Variants in POLR2E observed in about 807,000 individuals in gnomAD.
POLR2E encodes DNA-directed RNA polymerases I, II, and III subunit RPABC1.
A neutral mutation model predicts 29.8 loss-of-function variants in POLR2E; 35 were observed. The observed-to-expected ratio is 1.17, with a 90% CI of 0.90 to 1.55. The LOEUF is 1.55. Ranked by LOEUF, POLR2E falls within the 40% of genes most tolerant of loss-of-function variation. The pLI, the probability that POLR2E is intolerant of heterozygous loss-of-function variation, is 0.00. For missense variants in POLR2E, 287 were observed against 288.6 expected, an observed-to-expected ratio of 0.99 and a Z score of 0.04; for synonymous variants, 174 against 112.6, an observed-to-expected ratio of 1.55 and a Z score of -3.45.
At chr19:1,093,123 C>A (rs2145145885) in intron 2 of POLR2E, among the ~76,000 whole-genome samples, 1 of 150,094 alleles carries the variant, frequency 6.7e-6, no homozygotes, top group South Asian at 2.1e-4. Context: ...GAGGTGGAGG[C>A]TGCAGCAAGC....
In POLR2E at chr19:1,094,082, CA is replaced by C; in HGVS notation, c.58-5del. 1 of 1,605,232 alleles carries C rather than the reference CA, an allele frequency of 6.2e-7. No homozygotes were observed. ...GATAGCCACGGTCGTGGCACAGCTG[CA>C]GAGAGAAAGAACCAGCTGACCCCAG... On this transcript the variant is annotated splice_polypyrimidine_tract_variant and splice_region_variant and intron_variant, in intron 1 of 7. Transcript: ENST00000615234.
chr19:1,092,599 AAT>A (rs1210569461), intron 2 of POLR2E, among the ~76,000 whole-genome samples: 1 of 151,932 alleles, frequency 6.6e-6, no homozygotes, highest in African/African-American at 2.4e-5. Flanking sequence ...GAGGCAGGAG[AAT>A]GGCGTGAACC....
chr19:1,093,722 A>G, intron 2 of POLR2E, 182 bp downstream of exon 2: 1 of 1,388,438 alleles, frequency 7.2e-7, no homozygotes, highest in South Asian at 1.6e-5. Flanking sequence ...GAAGCTGAGC[A>G]TGAGAGGGGT....
chr19:1,091,664 C>G, intron 3 of POLR2E, 128 bp downstream of exon 3: 1 of 665,962 alleles, frequency 1.5e-6, no homozygotes, highest in Admixed American at 2.2e-5. Context: ...GACATCCCGG[C>G]CACATCCTCC....
chr19:1,094,950 G>A, intron 1 of POLR2E: 1 of 486,466 alleles, frequency 2.1e-6, no homozygotes, highest in Non-Finnish European at 3.6e-6. Context: ...GGCAGAGTCT[G>A]GGGGCGCCCC....
chr19:1,090,022 G>T (rs565208015), intron 5 of POLR2E, 60 bp from the exon 6 acceptor site: 1,618 of 33,140 alleles, frequency 0.049, 15 homozygotes, highest in African/African-American at 0.28. Context: ...GGGTGTGTGT[G>T]GGGGGGGAAC....
chr19:1,095,335 G>C lies in POLR2E; in HGVS notation c.-20C>G, dbSNP rs371018866. 8 of 1,612,374 alleles carry C rather than the reference G, an allele frequency of 5.0e-6. No individual in the cohort carries two copies. In the South Asian group the frequency reaches 8.8e-5, roughly 18 times the overall value. ...GTCCATGGCAGCCTCCGCCGCCGCCGCCGCTCGCACCCCTTCTCCGCGCGA... is the reference window on the plus strand; with the variant it reads ...GTCCATGGCAGCCTCCGCCGCCGCCCCCGCTCGCACCCCTTCTCCGCGCGA... On this transcript the variant is annotated 5_prime_UTR_variant, in exon 1 of 8. Coordinates refer to ENST00000615234, the MANE Select transcript of POLR2E (RefSeq NM_002695.5).
chr19:1,088,649 G>C lies in POLR2E; in HGVS notation c.*86C>G, dbSNP rs1156932801. The C allele has an allele frequency of 1.3e-5, 2 of 152,704 alleles. No individual in the cohort carries two copies. The highest frequency in any genetic ancestry group is 2.4e-5 in the African/African-American group (1 of 41,466). The allele number at this position is 152,704 out of a possible 1,614,324, so 9.5% of individuals were successfully genotyped here. ...GGAGCAGCAGCCGTGAGAGCTGTGG[G>C]GGCCGGATTCTGGCAGGGCAGGGGC... On this transcript the variant is annotated 3_prime_UTR_variant, in exon 8 of 8. Transcript: ENST00000615234.
chr19:1,090,007 G>C, intron 5 of POLR2E, 45 bp from the exon 6 acceptor site: 1 of 1,532,974 alleles, frequency 6.5e-7, no homozygotes, highest in South Asian at 1.1e-5. Context: ...CCGTTGGGGG[G>C]GCAGGGGTGT....
intron 2 of POLR2E, among the ~76,000 whole-genome samples, chr19:1,092,898 A>G (rs1186079734): frequency 6.7e-6 from 1 of 150,030 alleles, no homozygotes; most frequent in African/African-American, 2.5e-5. Flanking sequence ...AAAAAAAAAA[A>G]AAAAAGACTG....
chr19:1,090,540 C>T (rs2043807425), intron 4 of POLR2E, among the ~76,000 whole-genome samples: 1 of 149,522 alleles, frequency 6.7e-6, no homozygotes, highest in Non-Finnish European at 1.5e-5. Flanking sequence ...ATCTCGGCTC[C>T]CCGAGTAGCT....
intron 7 of POLR2E, among the ~76,000 whole-genome samples, chr19:1,088,921 C>T (rs2043768398): frequency 6.6e-6 from 1 of 152,098 alleles, no homozygotes; most frequent in Non-Finnish European, 1.5e-5. Context: ...ACCGTGCCAG[C>T]GTCAGACCAG....
chr19:1,093,898 G>A lies in POLR2E; in HGVS notation c.232+6C>T. The A allele has an allele frequency of 6.3e-7, 1 of 1,580,496 alleles. No homozygotes were observed. On this transcript the variant is annotated splice_donor_region_variant and intron_variant, in intron 2 of 7. Coordinates refer to ENST00000615234, the MANE Select transcript of POLR2E (RefSeq NM_002695.5). ...CACCGGAACTCCCCCGGGACCCGCT[G>A]CTCACCTGGAAAGAACACAAACATC...
At chr19:1,094,990 T>G (rs56259591) in intron 1 of POLR2E, 10,083 of 379,562 alleles carry the variant, frequency 0.027, 797 homozygotes, top group East Asian at 0.22. Context: ...CCTCCTCCTC[T>G]CGCCGCCACG....
rs926934250 is a variant in POLR2E, at chr19:1,086,613, A to G, written c.*2122T>C. 6.6e-6 allele frequency: 1 copy of G among 152,340 alleles called. No homozygotes were observed. The highest frequency in any genetic ancestry group is 1.5e-5 in the Non-Finnish European group (1 of 68,048). 9.4% of individuals were successfully genotyped at this position (152,340 alleles called of 1,614,324 possible). ...AGGCACGTTTATTTTGCTGAAATAA[A>G]AAGTTTTTAATCGGGTGTTTTCTGT... On this transcript the variant is annotated 3_prime_UTR_variant, in exon 8 of 8. Coordinates refer to ENST00000615234, the MANE Select transcript of POLR2E (RefSeq NM_002695.5).
rs565655440 is a variant in POLR2E, at chr19:1,091,758, G to T, written c.348+34C>A. ...GCTTGCGGGAGGAGGCTGGGGAGGG[G>T]GAGAGGCTGGCGGGGTGGGGCAGGG... is the stretch of plus-strand genomic sequence containing the variant. On this transcript the variant is annotated intron_variant, in intron 3 of 7. Coordinates refer to ENST00000615234, the MANE Select transcript of POLR2E (RefSeq NM_002695.5). 4.7e-5 allele frequency: 66 copies of T among 1,394,544 alleles called. No individual in the cohort carries two copies. The East Asian group carries it at 1.4e-3, about 29-fold the overall frequency. 86.4% of individuals were successfully genotyped at this position (1,394,544 alleles called of 1,614,324 possible).
intron 2 of POLR2E, chr19:1,093,596 G>GT: frequency 4.5e-5 from 19 of 419,238 alleles, no homozygotes; most frequent in South Asian, 1.6e-4. Flanking sequence ...GGCCAGGATG[G>GT]GGGAGCCAAG....
In POLR2E at chr19:1,095,301, C is replaced by A; in HGVS notation, c.15G>T (p.Glu5Asp). 2 of 1,613,212 alleles carry A rather than the reference C, an allele frequency of 1.2e-6. No homozygotes were observed. The highest frequency in any genetic ancestry group is 1.7e-6 in the Non-Finnish European group (2 of 1,179,774). Residue 5 changes from glutamate to aspartate, a missense_variant, in exon 1 of 8, where the codon GAG becomes GAT. Coordinates refer to ENST00000615234, the MANE Select transcript of POLR2E (RefSeq NM_002695.5). The stretch of plus-strand genomic sequence containing the variant: ...GGATTTTCCAGAGCCGGTACGTCTC[C>A]TCCTCGTCGTCCATGGCAGCCTCCG... The part of the protein sequence containing the change: MDDE[E>D]ETYRLWKIRK...
At position 1,086,702 on chromosome 19, in the gene POLR2E, G is replaced by C. The variant is rs1178842372; in HGVS notation, c.*2033C>G. 6.6e-6 allele frequency: 1 copy of C among 151,874 alleles called. No individual in the cohort carries two copies. The highest frequency in any genetic ancestry group is 1.9e-4 in the East Asian group (1 of 5,322). The allele number at this position is 151,874 out of a possible 1,614,324, so 9.4% of individuals were successfully genotyped here. A position where few individuals can be genotyped will look rare whatever the true frequency, so the allele number is the denominator to read the frequency against. On this transcript the variant is annotated 3_prime_UTR_variant, in exon 8 of 8. Coordinates refer to ENST00000615234, the MANE Select transcript of POLR2E (RefSeq NM_002695.5). ...AAGCTTAGAAGAAGGGGCCAGGGAGGGGACAGAGAGAGCCCCGTGGCGTGG... is the reference window on the plus strand; with the variant it reads ...AAGCTTAGAAGAAGGGGCCAGGGAGCGGACAGAGAGAGCCCCGTGGCGTGG...
Sources: gnomAD v4.1 joint callset for allele counts (sites outside exome capture counted in the v4.1 genomes callset) on GRCh38, gnomAD v4.1.1 for gene constraint, MANE v1.5 for transcripts, NCBI Gene and HGNC (gene_info 2026-07-23, HGNC 2026-07-21) for gene names.